SNX4: variants seen among roughly 807,000 people sequenced by gnomAD.
The protein encoded by SNX4 is sorting nexin 4, also known as sorting nexin-4.
In SNX4, 49 loss-of-function variants were observed where a neutral mutation model predicts 70.8. The ratio of observed to expected loss-of-function variants is 0.69; its 90% CI spans 0.55 to 0.88. SNX4 has a LOEUF of 0.88. Ranked by LOEUF, SNX4 falls within the 40% of genes least tolerant of loss-of-function variation. The probability of loss-of-function intolerance (pLI) is 0.00; values close to 1 mark genes in which losing one functional copy is unlikely to be tolerated. For synonymous variants in SNX4, 206 were observed against 183.8 expected, an observed-to-expected ratio of 1.12 and a Z score of -0.98; for missense variants, 528 against 544.8, an observed-to-expected ratio of 0.97 and a Z score of 0.31.
chr3:125,493,145 T>C (rs1934699367), intron 5 of SNX4, among the ~76,000 whole-genome samples: 1 of 152,148 alleles, frequency 6.6e-6, no homozygotes, highest in Non-Finnish European at 1.5e-5. Context: ...AACAGAGTCT[T>C]GCTATGTTAC....
intron 8 of SNX4, among the ~76,000 whole-genome samples, chr3:125,471,761 C>T (rs138242778): frequency 2.5e-4 from 38 of 152,312 alleles, no homozygotes; most frequent in South Asian, 8.3e-4. Flanking sequence ...TGAACCCCAC[C>T]TATGTATTTA....
rs192268149 is a variant in SNX4 at position 125,500,389 on chromosome 3, T to C, written c.264-2195A>G. ...TTCCTATTCAATGAAGAAGAACACA[T>C]ACAAAAATCTCTTGGGGAATTAAAA... On this transcript the variant is annotated intron_variant, in intron 2 of 13. Transcript: ENST00000251775. Among the ~76,000 whole-genome samples the C allele has an allele frequency of 2.2e-3, 328 of 152,302 alleles. 2 individuals carry two copies. Among genetic ancestry groups the C allele is most frequent in the Non-Finnish European group, 3.6e-3 (244 of 68,020 alleles).
Position 125,489,462 on chromosome 3 carries a change from G to A in SNX4, c.599C>T (p.Ala200Val), listed in dbSNP as rs1934603812. 6.2e-7 allele frequency: 1 copy of A among 1,611,544 alleles called. No homozygotes were observed. The highest frequency in any genetic ancestry group is 1.1e-5 in the South Asian group (1 of 90,718). ...TVNETGFQLK[A>V]DSRLKALNAT... ...ATTAAGCGCTTTTAACCTGGAGTCTGCCTGGAAAAAATAATTTGTTCACTT... is the reference window on the plus strand; with the variant it reads ...ATTAAGCGCTTTTAACCTGGAGTCTACCTGGAAAAAATAATTTGTTCACTT... Residue 200 changes from alanine to valine, a missense_variant and splice_region_variant, in exon 6 of 14, where the codon GCA (alanine) becomes GTA (valine). Ala to Val is a moderately conservative substitution (Grantham distance 64). Coordinates refer to ENST00000251775, the MANE Select transcript of SNX4 (RefSeq NM_003794.4).
chr3:125,469,494 T>G lies in SNX4; in HGVS notation c.814A>C (p.Met272Leu). 1 of 1,613,678 alleles carries G rather than the reference T, an allele frequency of 6.2e-7. No individual in the cohort carries two copies. The highest frequency in any genetic ancestry group is 8.5e-7 in the Non-Finnish European group (1 of 1,179,640). Residue 272 changes from methionine to leucine, a missense_variant, in exon 9 of 14, where the codon ATG becomes CTG. Physicochemically the swap from Met to Leu is conservative, Grantham distance 15. Around this residue, in one of 3 missense-constraint regions of SNX4, gnomAD observed 28 missense variants for 60.0 expected, o/e 0.47. Transcript: ENST00000251775. ...FSEWSAIEKE[M>L]GDGLQSAGHH... ...CCAGCACTCTGCAGTCCATCACCCATTTCTTTTTCTATGGCACTCCATTCA... is the reference window on the plus strand; with the variant it reads ...CCAGCACTCTGCAGTCCATCACCCAGTTCTTTTTCTATGGCACTCCATTCA...
At chr3:125,504,774 C>T in intron 1 of SNX4, 30 bp from the exon 2 acceptor site, 1 of 1,605,076 alleles carries the variant, frequency 6.2e-7, no homozygotes, top group Non-Finnish European at 8.5e-7. Context: ...ACAACAACAA[C>T]AACAAAAACC....
intron 8 of SNX4, 61 bp downstream of exon 8, chr3:125,476,634 A>T: frequency 1.0e-6 from 1 of 978,538 alleles, no homozygotes; most frequent in Non-Finnish European, 1.6e-6. Context: ...TTCAAGAATT[A>T]TTGTTTTCAG....
At chr3:125,495,277 T>TATATATACATACATACAC in intron 5 of SNX4, among the ~76,000 whole-genome samples, 1 of 99,618 alleles carries the variant, frequency 1.0e-5, no homozygotes, top group Non-Finnish European at 2.0e-5. Context: ...TATATATATA[T>TATATATACATACATACAC]ACACATACAC....
intron 1 of SNX4, among the ~76,000 whole-genome samples, chr3:125,511,400 T>C (rs1935172530): frequency 6.6e-6 from 1 of 151,488 alleles, no homozygotes; most frequent in South Asian, 2.1e-4. Context: ...TCAGGAGTCA[T>C]CTTATATTAA....
intron 1 of SNX4, among the ~76,000 whole-genome samples, chr3:125,508,577 A>AAG (rs1559825674): frequency 6.6e-6 from 1 of 152,054 alleles, no homozygotes; most frequent in African/African-American, 2.4e-5. Context: ...AAAAAAAAAA[A>AAG]AAAAGAAAAT....
At position 125,458,814 on chromosome 3, in the gene SNX4, C is replaced by CAA. The variant is rs71148180; in HGVS notation, c.945-1451_945-1450dup. On this transcript the variant is annotated intron_variant, in intron 10 of 13. Coordinates refer to ENST00000251775, the MANE Select transcript of SNX4 (RefSeq NM_003794.4). ...TGGGTGAAAGAGCGAGACTCCGTCT[C>CAA]AAAAAAAAAAAAAAAAAAAAAAAAA... 7.4e-4 allele frequency among the ~76,000 whole-genome samples: 48 copies of CAA among 64,526 alleles called. 2 individuals carry two copies. Among genetic ancestry groups the CAA allele is most frequent in the African/African-American group, 2.7e-3 (43 of 15,866 alleles). The allele number at this position is 64,526 out of a possible 152,430, so 42.3% of individuals were successfully genotyped here.
intron 9 of SNX4, among the ~76,000 whole-genome samples, chr3:125,465,883 T>C (rs1933999247): frequency 6.6e-6 from 1 of 152,156 alleles, no homozygotes; most frequent in Non-Finnish European, 1.5e-5. Flanking sequence ...CCTTAAGTGA[T>C]CCACCTGTCT....
At chr3:125,519,954 G>GGCCCCCCCCC in intron 1 of SNX4, 78 bp downstream of exon 1, 1 of 1,081,880 alleles carries the variant, frequency 9.2e-7, no homozygotes, top group Non-Finnish European at 1.2e-6. Flanking sequence ...GCCCGGCCCA[G>GGCCCCCCCCC]CCCAGCCCAG....
At chr3:125,519,027 A>G (rs1935338958) in intron 1 of SNX4, among the ~76,000 whole-genome samples, 1 of 151,462 alleles carries the variant, frequency 6.6e-6, no homozygotes, top group African/African-American at 2.4e-5. Flanking sequence ...TAAATAAATA[A>G]ATTAATTAAT....
At chr3:125,467,765 G>T (rs1329345073) in intron 9 of SNX4, among the ~76,000 whole-genome samples, 2 of 152,150 alleles carry the variant, frequency 1.3e-5, no homozygotes, top group African/African-American at 4.8e-5. Context: ...AGGTTGCAGA[G>T]AAAGAGGAAC....
chr3:125,488,400 G>A (rs550396496), intron 6 of SNX4, among the ~76,000 whole-genome samples: 41 of 151,860 alleles, frequency 2.7e-4, no homozygotes, highest in Non-Finnish European at 4.1e-4. Context: ...GATTGAACCC[G>A]GGAGGCAGAG....
At chr3:125,482,227 CTT>C (rs1934428353) in intron 6 of SNX4, among the ~76,000 whole-genome samples, 1 of 152,228 alleles carries the variant, frequency 6.6e-6, no homozygotes, top group African/African-American at 2.4e-5. Context: ...CCAAATCTCT[CTT>C]AACTCCAGAT....
chr3:125,454,462 AC>A (rs961216557), intron 11 of SNX4, among the ~76,000 whole-genome samples: 1 of 152,106 alleles, frequency 6.6e-6, no homozygotes, highest in Non-Finnish European at 1.5e-5. Context: ...CATCCTCAGC[AC>A]CCCCTGCCCT....
At chr3:125,472,962 G>T (rs57957185) in intron 8 of SNX4, among the ~76,000 whole-genome samples, 3,429 of 151,176 alleles carry the variant, frequency 0.023, 138 homozygotes, top group African/African-American at 0.079. Context: ...TCTCAAAAAA[G>T]TCTTATTACC....
At chr3:125,495,253 TATATATA>T (rs1934760222) in intron 5 of SNX4, among the ~76,000 whole-genome samples, 1 of 39,304 alleles carries the variant, frequency 2.5e-5, no homozygotes, top group Non-Finnish European at 4.5e-5. Flanking sequence ...TCTCTCTTTA[TATATATA>T]TATATATATA....
Sources: gnomAD v4.1 joint callset for allele counts (sites outside exome capture counted in the v4.1 genomes callset) on GRCh38, gnomAD v4.1.1 for gene constraint, gnomAD v4.1.1 regional missense constraint, MANE v1.5 for transcripts, NCBI Gene and HGNC (gene_info 2026-07-23, HGNC 2026-07-21) for gene names.